The following PRKG1 variants were observed in gnomAD, a reference collection of about 807,000 sequenced individuals.
The protein encoded by PRKG1 is cGMP-dependent protein kinase 1.
A neutral mutation model predicts 88.1 loss-of-function variants in PRKG1; 35 were observed. The ratio of observed to expected loss-of-function variants is 0.40; its 90% CI spans 0.30 to 0.53. The LOEUF (loss-of-function observed/expected upper bound fraction) is 0.53. PRKG1 is among the 20% of genes least tolerant of loss of function. The pLI is 0.59. For synonymous variants in PRKG1, 303 were observed against 292.5 expected, an observed-to-expected ratio of 1.04 and a Z score of -0.37; for missense variants, 540 against 839.8, an observed-to-expected ratio of 0.64 and a Z score of 4.41.
chr10:51,703,037 C>T (rs1393534099), intron 3 of PRKG1, among the ~76,000 whole-genome samples: 1 of 152,082 alleles, frequency 6.6e-6, no homozygotes, highest in African/African-American at 2.4e-5. Context: ...TGCTTTGGGC[C>T]TTCATTTATA....
At chr10:51,656,798 A>G (rs1840171760) in intron 3 of PRKG1, among the ~76,000 whole-genome samples, 1 of 152,116 alleles carries the variant, frequency 6.6e-6, no homozygotes. Context: ...CTTGGCACCA[A>G]CAAACCTTTT....
At chr10:52,269,389 T>C (rs759787696) in intron 10 of PRKG1, among the ~76,000 whole-genome samples, 8 of 152,134 alleles carry the variant, frequency 5.3e-5, no homozygotes, top group Non-Finnish European at 1.0e-4. Context: ...TCTTTGGCTG[T>C]TAAAAGCATT....
chr10:51,945,286 T>G (rs907591918), intron 5 of PRKG1, among the ~76,000 whole-genome samples: 3 of 151,086 alleles, frequency 2.0e-5, no homozygotes, highest in African/African-American at 7.3e-5. Context: ...ACCCCAGCCT[T>G]TTTTTGTTTT....
In PRKG1 at chr10:52,290,224, A is replaced by T. The variant is rs985916344; in HGVS notation, c.1896A>T (p.Lys632Asn). Residue 632 changes from lysine to asparagine, a missense_variant and splice_region_variant, in exon 17 of 18, where the codon AAA (lysine) becomes AAT (asparagine). Around this residue, in one of 5 missense-constraint regions of PRKG1, gnomAD observed 97 missense variants for 210.6 expected, o/e 0.46. Transcript: ENST00000373980. ...TTATCAACGTTTTTTCCTTTTCTAG[A>T]TGGTTTGAGGGCTTTAACTGGGAAG... ...KNGVKDIQKHKWFEGFNWEGL... is the reference protein window; with the variant it reads ...KNGVKDIQKHNWFEGFNWEGL... The T allele has an allele frequency of 1.1e-5, 17 of 1,611,968 alleles. No individual in the cohort carries two copies. The highest frequency in any genetic ancestry group is 1.2e-5 in the Non-Finnish European group (14 of 1,179,054).
At chr10:51,499,176 C>T (rs1473807702) in intron 3 of PRKG1, among the ~76,000 whole-genome samples, 4 of 152,158 alleles carry the variant, frequency 2.6e-5, no homozygotes, top group Admixed American at 1.3e-4. Context: ...GGAGTTGGGA[C>T]AAGAGCTCTG....
At chr10:51,049,882 G>A (rs926151649) in intron 1 of PRKG1, among the ~76,000 whole-genome samples, 2 of 152,146 alleles carry the variant, frequency 1.3e-5, no homozygotes, top group African/African-American at 2.4e-5. Context: ...CATATGCATG[G>A]CATGGGTATT....
intron 3 of PRKG1, among the ~76,000 whole-genome samples, chr10:51,753,319 C>T (rs947145072): frequency 7.2e-5 from 11 of 151,962 alleles, no homozygotes; most frequent in South Asian, 2.1e-4. Context: ...GATACCAATT[C>T]GTTTAGATTA....
chr10:51,867,710 A>C (rs1841050815), intron 4 of PRKG1, among the ~76,000 whole-genome samples: 1 of 152,126 alleles, frequency 6.6e-6, no homozygotes, highest in South Asian at 2.1e-4. Context: ...CAGAGACAAG[A>C]GGGGGAATTC....
chr10:52,173,701 C>T (rs1171392784), intron 9 of PRKG1, among the ~76,000 whole-genome samples: 1 of 152,140 alleles, frequency 6.6e-6, no homozygotes, highest in African/African-American at 2.4e-5. Flanking sequence ...GGCAGCCAGC[C>T]TATTCCCTAG....
At chr10:51,330,136 TATTTA>T (rs1193353784) in intron 2 of PRKG1, among the ~76,000 whole-genome samples, 37 of 142,602 alleles carry the variant, frequency 2.6e-4, no homozygotes, top group African/African-American at 7.4e-4. Context: ...TTTATTTATT[TATTTA>T]TTTATTTTTT....
chr10:51,889,521 T>A (rs960404807), intron 4 of PRKG1, among the ~76,000 whole-genome samples: 9 of 152,166 alleles, frequency 5.9e-5, no homozygotes, highest in Non-Finnish European at 1.3e-4. Flanking sequence ...TAGACATACA[T>A]GTGCATGTGT....
chr10:51,432,491 C>T (rs777220887), intron 2 of PRKG1, among the ~76,000 whole-genome samples: 3 of 152,038 alleles, frequency 2.0e-5, no homozygotes, highest in African/African-American at 7.2e-5. Flanking sequence ...AAAAGTTGAG[C>T]GGCATAGTCC....
At chr10:52,151,388 A>C (rs1837912054) in intron 8 of PRKG1, among the ~76,000 whole-genome samples, 1 of 152,188 alleles carries the variant, frequency 6.6e-6, no homozygotes, top group South Asian at 2.1e-4. Context: ...TTCTATCACA[A>C]AATGGTCTTA....
At chr10:52,276,495 A>T (rs540838451) in intron 12 of PRKG1, among the ~76,000 whole-genome samples, 2 of 152,268 alleles carry the variant, frequency 1.3e-5, no homozygotes, top group South Asian at 2.1e-4. Context: ...TTGACTAAAC[A>T]TTGTGATTAA....
At chr10:52,089,190 G>C (rs1846990346) in intron 7 of PRKG1, among the ~76,000 whole-genome samples, 1 of 152,066 alleles carries the variant, frequency 6.6e-6, no homozygotes, top group Non-Finnish European at 1.5e-5. Flanking sequence ...TAGATTAACT[G>C]GGTAACTTGA....
intron 5 of PRKG1, among the ~76,000 whole-genome samples, chr10:52,051,057 A>G (rs944000512): frequency 6.6e-6 from 1 of 152,150 alleles, no homozygotes; most frequent in Non-Finnish European, 1.5e-5. Context: ...ACATCTCCCT[A>G]CAATAAGAAC....
At chr10:51,900,769 T>A (rs925847016) in intron 4 of PRKG1, among the ~76,000 whole-genome samples, 7 of 152,138 alleles carry the variant, frequency 4.6e-5, no homozygotes, top group Admixed American at 4.6e-4. Flanking sequence ...AACCCATATT[T>A]TTTTTAAATC....
chr10:51,641,617 G>A (rs553133562), intron 3 of PRKG1, among the ~76,000 whole-genome samples: 31 of 151,888 alleles, frequency 2.0e-4, no homozygotes, highest in African/African-American at 7.0e-4. Context: ...CCAAGTGATC[G>A]TCTATTAGAT....
intron 5 of PRKG1, among the ~76,000 whole-genome samples, chr10:51,917,773 A>G (rs2132971756): frequency 6.6e-6 from 1 of 152,314 alleles, no homozygotes; most frequent in South Asian, 2.1e-4. Flanking sequence ...ATTCTCAACA[A>G]AGATCTTCCT....
Sources: allele counts gnomAD v4.1 joint callset (sites outside exome capture counted in the v4.1 genomes callset), GRCh38; gene constraint gnomAD v4.1.1; regional missense constraint gnomAD v4.1.1; transcripts MANE v1.5; gene names NCBI Gene and HGNC (gene_info 2026-07-23, HGNC 2026-07-21).